The following SNX6 variants were observed in gnomAD, a reference collection of about 807,000 sequenced individuals.
SNX6 encodes the protein sorting nexin-6.
SNX6 carries 34 observed loss-of-function variants against 63.0 expected under a neutral mutation model. The observed-to-expected ratio is 0.54, with a 90% confidence interval of 0.41 to 0.72. SNX6 has a LOEUF of 0.72. SNX6 is among the 30% of genes least tolerant of loss of function. SNX6 has a pLI of 0.00. For missense variants in SNX6, 398 were observed against 471.4 expected (o/e 0.84, Z 1.44); for synonymous variants, 170 against 164.2 (o/e 1.04, Z -0.27).
intron 13 of SNX6, among the ~76,000 whole-genome samples, chr14:34,566,134 C>A (rs142050468): frequency 1.3e-5 from 2 of 152,300 alleles, no homozygotes; most frequent in South Asian, 2.1e-4. Context: ...ACATTAGAAA[C>A]CAGCTCAGGC....
intron 13 of SNX6, among the ~76,000 whole-genome samples, chr14:34,565,602 C>T (rs544953243): frequency 6.6e-5 from 10 of 151,562 alleles, no homozygotes; most frequent in East Asian, 2.0e-4. Flanking sequence ...CGGCAACCTC[C>T]GCCTCCCGGG....
chr14:34,604,020 C>A (rs1331692935), intron 5 of SNX6: 3 of 779,796 alleles, frequency 3.8e-6, no homozygotes, highest in East Asian at 9.1e-5. Flanking sequence ...GCAGTGAATC[C>A]CAGAGACCAC....
chr14:34,583,870 G>T (rs566488382), intron 9 of SNX6, among the ~76,000 whole-genome samples: 76 of 121,376 alleles, frequency 6.3e-4, no homozygotes, highest in Admixed American at 2.9e-4. Flanking sequence ...TTTTTAAGAC[G>T]GAGTTTCTCT....
At chr14:34,566,017 G>T (rs1289241122) in intron 13 of SNX6, among the ~76,000 whole-genome samples, 1 of 151,284 alleles carries the variant, frequency 6.6e-6, no homozygotes, top group South Asian at 2.1e-4. Flanking sequence ...AGAGGACAGG[G>T]TTTCACCATG....
chr14:34,604,910 A>G (rs1316580377), intron 5 of SNX6, among the ~76,000 whole-genome samples: 1 of 152,042 alleles, frequency 6.6e-6, no homozygotes, highest in Non-Finnish European at 1.5e-5. Context: ...TGCATAAGTG[A>G]TACTCAACCT....
chr14:34,617,884 G>A (rs1242836583), intron 2 of SNX6, among the ~76,000 whole-genome samples: 1 of 150,834 alleles, frequency 6.6e-6, no homozygotes, highest in African/African-American at 2.4e-5. Context: ...TTGCACCACT[G>A]CACTCCAGCC....
intron 11 of SNX6, 145 bp downstream of exon 11, chr14:34,575,611 T>C: frequency 2.3e-6 from 1 of 432,306 alleles, no homozygotes. Flanking sequence ...ATATACAATT[T>C]CTAAAAGGAG....
At chr14:34,583,072 C>T (rs919837989) in intron 9 of SNX6, among the ~76,000 whole-genome samples, 7 of 151,890 alleles carry the variant, frequency 4.6e-5, no homozygotes, top group South Asian at 2.1e-4. Flanking sequence ...TTTGGGAGGC[C>T]GAGGTGGGAG....
intron 8 of SNX6, among the ~76,000 whole-genome samples, chr14:34,587,349 G>A (rs1424597121): frequency 2.6e-5 from 4 of 151,578 alleles, no homozygotes; most frequent in South Asian, 2.1e-4. Context: ...TGGCTAACAC[G>A]GTGAAACCCC....
Position 34,603,073 on chromosome 14 carries a change from C to T in SNX6, c.516+275G>A, listed in dbSNP as rs961050595. 3.1e-4 allele frequency among the ~76,000 whole-genome samples: 46 copies of T among 150,812 alleles called. 1 individual carries two copies. Among genetic ancestry groups the T allele is most frequent in the Middle Eastern group, 3.5e-3 (1 of 288 alleles). On this transcript the variant is annotated intron_variant, in intron 6 of 13. Transcript: ENST00000362031. Reference sequence around the variant, plus strand: ...TGGGTGGATCATGAGGTCAGGAGATCGAGACCATTCTGGCTAACACGGTGA... The same window carrying T: ...TGGGTGGATCATGAGGTCAGGAGATTGAGACCATTCTGGCTAACACGGTGA...
chr14:34,566,264 A>G (rs1881179149), intron 13 of SNX6, among the ~76,000 whole-genome samples: 1 of 152,178 alleles, frequency 6.6e-6, no homozygotes, highest in Admixed American at 6.6e-5. Context: ...TCCAGGCTGC[A>G]CTGCAGTGGC....
intron 11 of SNX6, among the ~76,000 whole-genome samples, chr14:34,572,841 C>T (rs538524214): frequency 1.5e-4 from 23 of 151,960 alleles, no homozygotes; most frequent in African/African-American, 5.5e-4. Context: ...CCAGCATGCC[C>T]GGCTAATTTT....
chr14:34,597,969 T>C (rs1241101719), intron 6 of SNX6, among the ~76,000 whole-genome samples: 1 of 152,194 alleles, frequency 6.6e-6, no homozygotes. Flanking sequence ...CACTGCTATA[T>C]AAAATTTTAA....
intron 7 of SNX6, among the ~76,000 whole-genome samples, chr14:34,596,071 T>C (rs12586808): frequency 0.37 from 56,642 of 151,282 alleles, 12,360 homozygotes; most frequent in East Asian, 0.73. Context: ...TACAAAAAAA[T>C]TAGCTGGGCG....
rs1252134814 is a variant in SNX6 at position 34,605,549 on chromosome 14, C to T, written c.392+47G>A. 3 of 1,443,084 alleles carry T rather than the reference C, an allele frequency of 2.1e-6. No homozygotes were observed. In the African/African-American group the frequency reaches 4.8e-5, roughly 23 times the overall value. 89.4% of individuals were successfully genotyped at this position (1,443,084 alleles called of 1,614,324 possible). ...TTAAAGCAAGCACAATTAACAAAGGCAACAACAACCAAAAAAAAAAAACAA... is the reference window on the plus strand; with the variant it reads ...TTAAAGCAAGCACAATTAACAAAGGTAACAACAACCAAAAAAAAAAAACAA... On this transcript the variant is annotated intron_variant, in intron 5 of 13. Transcript: ENST00000362031.
At chr14:34,617,650 G>A (rs965190044) in intron 2 of SNX6, among the ~76,000 whole-genome samples, 9 of 149,590 alleles carry the variant, frequency 6.0e-5, no homozygotes, top group Non-Finnish European at 3.0e-5. Flanking sequence ...GACCAGGCGC[G>A]GTGGCTCACG....
intron 2 of SNX6, among the ~76,000 whole-genome samples, chr14:34,614,374 C>T (rs542545720): frequency 6.6e-6 from 1 of 150,814 alleles, no homozygotes; most frequent in South Asian, 2.1e-4. Flanking sequence ...GAGGTCGAGG[C>T]TGCAGTGAGC....
At chr14:34,583,724 AC>A (rs1223013441) in intron 9 of SNX6, among the ~76,000 whole-genome samples, 2 of 152,126 alleles carry the variant, frequency 1.3e-5, no homozygotes, top group Non-Finnish European at 2.9e-5. Flanking sequence ...CAAAGCAAAA[AC>A]AATTTTACGA....
rs1376678025 is a variant in SNX6, at chr14:34,562,770, T to C, written c.*352A>G. On this transcript the variant is annotated 3_prime_UTR_variant, in exon 14 of 14. Coordinates refer to ENST00000362031, the MANE Select transcript of SNX6 (RefSeq NM_152233.4). ...AACAATGCATTCTGAAAAGGTTAAA[T>C]TTCAGAAATTATTTAAAGGTAAATA... 2 of 210,228 alleles carry C rather than the reference T, an allele frequency of 9.5e-6. No homozygotes were observed. Among genetic ancestry groups the C allele is most frequent in the Middle Eastern group, 1.7e-3 (1 of 596 alleles). The allele number at this position is 210,228 out of a possible 1,614,324, so 13.0% of individuals were successfully genotyped here.
Sources: gnomAD v4.1 joint callset for allele counts (sites outside exome capture counted in the v4.1 genomes callset) on GRCh38, gnomAD v4.1.1 for gene constraint, MANE v1.5 for transcripts, NCBI Gene and HGNC (gene_info 2026-07-23, HGNC 2026-07-21) for gene names.